Variants in ERCC6L2 observed in about 807,000 individuals in gnomAD.
ERCC6L2 encodes DNA excision repair protein ERCC-6-like 2.
A neutral mutation model predicts 132.0 loss-of-function variants in ERCC6L2; 77 were observed. That is an observed-to-expected ratio of 0.58 (90% CI 0.49 to 0.71). The LOEUF is 0.71. Ranked by LOEUF, ERCC6L2 falls within the 30% of genes least tolerant of loss-of-function variation. The pLI is 0.00. For missense variants in ERCC6L2, 1,542 were observed against 1,837.6 expected (o/e 0.84, Z 2.94); for synonymous variants, 583 against 632.4 (o/e 0.92, Z 1.17).
Position 95,876,077 on chromosome 9 carries a change from A to C in ERCC6L2, c.39A>C (p.Ser13=). 3 of 1,579,404 alleles carry C rather than the reference A, an allele frequency of 1.9e-6. No individual in the cohort carries two copies. The highest frequency in any genetic ancestry group is 2.6e-6 in the Non-Finnish European group (3 of 1,163,268). The part of the protein sequence containing the change: ...PSAPQPRAET[S]GKDIWHPGER... Reference sequence around the variant, plus strand: ...CGCCACAGCCCCGCGCGGAAACCTCAGGCAAAGGTACCAGCTCCGCGCTCG... The same window carrying C: ...CGCCACAGCCCCGCGCGGAAACCTCCGGCAAAGGTACCAGCTCCGCGCTCG... Residue 13 remains serine, a synonymous_variant, in exon 1 of 19, where the codon TCA becomes TCC. Transcript: ENST00000653738.
At chr9:95,938,993 T>C (rs1397982026) in intron 11 of ERCC6L2, among the ~76,000 whole-genome samples, 1 of 152,076 alleles carries the variant, frequency 6.6e-6, no homozygotes, top group Non-Finnish European at 1.5e-5. Flanking sequence ...ACATTGTACA[T>C]AGTAACTTCT....
At chr9:95,886,533 T>C (rs1167513714) in intron 2 of ERCC6L2, among the ~76,000 whole-genome samples, 4 of 152,204 alleles carry the variant, frequency 2.6e-5, no homozygotes, top group Non-Finnish European at 5.9e-5. Context: ...TATCATCTAC[T>C]GCCTTCTTTT....
rs189614351 is a variant in ERCC6L2, at chr9:96,025,136, C to T, written c.*1504-13740C>T. On this transcript the variant is annotated intron_variant and NMD_transcript_variant, in intron 19 of 20. Transcript: ENST00000670016. ...AGTAGAACTCTTTTGTTGAAAATGA[C>T]GCAGACTGGTTTAAGCAAAAAAGCA... 3.9e-5 allele frequency among the ~76,000 whole-genome samples: 6 copies of T among 152,272 alleles called. No individual in the cohort carries two copies. The East Asian group carries it at 1.2e-3, about 29-fold the overall frequency.
chr9:95,932,696 T>C (rs553462249), intron 11 of ERCC6L2, among the ~76,000 whole-genome samples: 4 of 152,284 alleles, frequency 2.6e-5, no homozygotes, highest in African/African-American at 9.6e-5. Context: ...ACTTAATACA[T>C]AATAATAAAA....
chr9:95,970,890 T>C (rs1280698613), intron 15 of ERCC6L2, among the ~76,000 whole-genome samples: 3 of 152,154 alleles, frequency 2.0e-5, no homozygotes, highest in African/African-American at 7.2e-5. Context: ...GAATTTTAAC[T>C]ACACCAAACT....
chr9:95,999,186 C>T (rs1833570663), intron 17 of ERCC6L2, among the ~76,000 whole-genome samples: 3 of 152,002 alleles, frequency 2.0e-5, no homozygotes, highest in Non-Finnish European at 2.9e-5. Flanking sequence ...GGGTGAAACC[C>T]CCTCTCTACT....
Position 95,922,419 on chromosome 9 carries a change from G to A in ERCC6L2, c.1413+1G>A. 1 of 1,572,400 alleles carries A rather than the reference G, an allele frequency of 6.4e-7. No homozygotes were observed. The highest frequency in any genetic ancestry group is 8.7e-7 in the Non-Finnish European group (1 of 1,143,546). The stretch of plus-strand genomic sequence containing the variant: ...AGCTGCTAGTACTTCCAAACAACAG[G>A]TTTGGTTAGCATTTTACATTTCTTT... On this transcript the variant is annotated splice_donor_variant, in intron 8 of 18. Coordinates refer to ENST00000653738, the MANE Select transcript of ERCC6L2 (RefSeq NM_020207.7). LOFTEE classifies it high-confidence loss of function.
chr9:95,881,084 G>C lies in ERCC6L2; in HGVS notation c.262G>C (p.Asp88His). 2.5e-6 allele frequency: 4 copies of C among 1,613,170 alleles called. No homozygotes were observed. Among genetic ancestry groups the C allele is most frequent in the Non-Finnish European group, 3.4e-6 (4 of 1,179,718 alleles). The change falls in exon 2 of 19, where the codon GAT becomes CAT. Residue 88 changes from aspartate to histidine, a missense_variant. Asp to His is a moderately conservative substitution (Grantham distance 81). Transcript: ENST00000653738. ...CPRNLIFDDE[D>H]LEKPYFPNRK... ...TAGGAATCTTATATTTGATGATGAA[G>C]ATTTAGAAAAACCTTATTTCCCAAA...
At chr9:95,924,833 A>G (rs913074152) in intron 9 of ERCC6L2, among the ~76,000 whole-genome samples, 2 of 152,170 alleles carry the variant, frequency 1.3e-5, no homozygotes, top group African/African-American at 4.8e-5. Context: ...GAGGCTGGGT[A>G]GTATTTTTAT....
At chr9:96,037,916 C>A (rs985295849) in intron 19 of ERCC6L2, among the ~76,000 whole-genome samples, 6 of 151,702 alleles carry the variant, frequency 4.0e-5, no homozygotes, top group African/African-American at 1.5e-4. Flanking sequence ...AACAGGTGAT[C>A]TAGTATCTAT....
At chr9:96,021,039 C>A (rs1041276735), downstream of ERCC6L2, 3 of 454,602 alleles carry the variant, frequency 6.6e-6, no homozygotes, top group African/African-American at 4.0e-5. The surrounding 1 kb of genome is among the most constrained non-coding windows in gnomAD (Gnocchi z 4.7). Flanking sequence ...AGCGCCGCCG[C>A]GGCGAACCCA....
chr9:95,995,435 A>G (rs1023975509), intron 17 of ERCC6L2, among the ~76,000 whole-genome samples: 35 of 152,360 alleles, frequency 2.3e-4, no homozygotes, highest in African/African-American at 6.7e-4. Context: ...AGTAAGTTAT[A>G]GAGAATTATG....
intron 1 of ERCC6L2, among the ~76,000 whole-genome samples, chr9:95,878,286 T>C (rs1022376792): frequency 6.6e-5 from 10 of 152,228 alleles, no homozygotes; most frequent in Non-Finnish European, 1.2e-4. Flanking sequence ...AAGTAACAAA[T>C]AGCTAATAAC....
downstream of ERCC6L2, chr9:96,020,036 GC>G (rs2133247009): frequency 6.6e-6 from 1 of 152,554 alleles, no homozygotes; most frequent in South Asian, 2.1e-4. Context: ...ATACACATTA[GC>G]CGGGCGTGAT....
At chr9:95,931,118 A>C (rs1208846967) in intron 11 of ERCC6L2, among the ~76,000 whole-genome samples, 1 of 152,228 alleles carries the variant, frequency 6.6e-6, no homozygotes, top group Non-Finnish European at 1.5e-5. Context: ...GATCAGTCTT[A>C]ACATCAACCT....
At chr9:95,925,716 C>G (rs1045908632) in intron 9 of ERCC6L2, among the ~76,000 whole-genome samples, 1 of 152,018 alleles carries the variant, frequency 6.6e-6, no homozygotes, top group East Asian at 1.9e-4. Context: ...CTTAAAGTTG[C>G]AATAGTTATG....
intron 2 of ERCC6L2, among the ~76,000 whole-genome samples, chr9:95,893,142 G>C (rs150563336): frequency 6.6e-6 from 1 of 152,084 alleles, no homozygotes; most frequent in Non-Finnish European, 1.5e-5. Context: ...TACTGCTTCA[G>C]ATAAAATATG....
At chr9:95,957,031 A>T (rs1831638567) in intron 13 of ERCC6L2, among the ~76,000 whole-genome samples, 2 of 152,198 alleles carry the variant, frequency 1.3e-5, no homozygotes, top group South Asian at 4.1e-4. Context: ...AATTATAGGA[A>T]TAGAGCTTAA....
chr9:95,876,192 T>C lies in ERCC6L2; in HGVS notation c.46+108T>C, dbSNP rs936447785. The stretch of plus-strand genomic sequence containing the variant: ...TGGGGTTTTGCCCTGTAGATCCTCT[T>C]CAGTGACAGCTGCAGATTGTGAACC... On this transcript the variant is annotated intron_variant, in intron 1 of 18. Transcript: ENST00000653738. The C allele has an allele frequency of 7.2e-5, 72 of 1,005,448 alleles. 1 individual carries two copies. In the South Asian group the frequency reaches 8.8e-4, roughly 12 times the overall value. 62.3% of individuals were successfully genotyped at this position (1,005,448 alleles called of 1,614,324 possible). A position where few individuals can be genotyped will look rare whatever the true frequency, so the allele number is the denominator to read the frequency against.
Sources: allele counts gnomAD v4.1 joint callset (sites outside exome capture counted in the v4.1 genomes callset), GRCh38; gene constraint gnomAD v4.1.1; non-coding constraint Gnocchi (gnomAD v3.1); transcripts MANE v1.5; gene names NCBI Gene and HGNC (gene_info 2026-07-23, HGNC 2026-07-21).